The following PPP2R2B variants were observed in gnomAD, a reference collection of about 807,000 sequenced individuals.
The protein encoded by PPP2R2B is serine/threonine-protein phosphatase 2A 55 kDa regulatory subunit B beta isoform.
PPP2R2B carries 5 observed loss-of-function variants against 46.0 expected under a neutral mutation model. The observed-to-expected ratio is 0.11, with a 90% CI of 0.06 to 0.23. The LOEUF (loss-of-function observed/expected upper bound fraction) is 0.23, where lower values mean the gene tolerates loss of function less well. PPP2R2B is among the 10% of genes least tolerant of loss of function. The probability of loss-of-function intolerance (pLI) is 1.00; values close to 1 mark genes in which losing one functional copy is unlikely to be tolerated. For missense variants in PPP2R2B, 367 were observed against 575.0 expected (o/e 0.64, Z 3.70); for synonymous variants, 215 against 206.7 (o/e 1.04, Z -0.34).
At chr5:146,759,133 CTTATGAT>C (rs935270980) in intron 2 of PPP2R2B, among the ~76,000 whole-genome samples, 1 of 152,148 alleles carries the variant, frequency 6.6e-6, no homozygotes, top group Non-Finnish European at 1.5e-5. Context: ...GGAAATAAGG[CTTATGAT>C]TTAAATTCAT....
In PPP2R2B at chr5:147,020,686, C is replaced by G; in HGVS notation, c.79+34979G>C. ...ATTGACAGAGAAGGTATATTCAATA[C>G]TGCAAGGATCTCAGAGCTCAGATGA... On this transcript the variant is annotated intron_variant, in intron 1 of 8. Coordinates refer to the PPP2R2B transcript ENST00000336640. 1.3e-5 allele frequency among the ~76,000 whole-genome samples: 2 copies of G among 152,252 alleles called. 1 individual carries two copies. The highest frequency in any genetic ancestry group is 3.9e-4 in the East Asian group (2 of 5,164).
rs183274342 is a variant in PPP2R2B, at chr5:146,655,273, C to G, written c.448-4549G>C. Among the ~76,000 whole-genome samples the G allele has an allele frequency of 4.1e-3, 621 of 152,290 alleles. 5 individuals carry two copies. The highest frequency in any genetic ancestry group is 0.014 in the African/African-American group (599 of 41,572). On this transcript the variant is annotated intron_variant, in intron 5 of 9. Transcript: ENST00000394411. Reference sequence around the variant, plus strand: ...AATGTCCCAAGCCCCAAAAGAGCAGCCTGAATCTAATCTGCAATAAAGCTT... The same window carrying G: ...AATGTCCCAAGCCCCAAAAGAGCAGGCTGAATCTAATCTGCAATAAAGCTT...
intron 1 of PPP2R2B, among the ~76,000 whole-genome samples, chr5:147,029,165 A>G (rs1282723335): frequency 6.6e-6 from 1 of 152,128 alleles, no homozygotes; most frequent in Non-Finnish European, 1.5e-5. Context: ...AGTCTAATTT[A>G]TCAATATTTC....
intron 5 of PPP2R2B, among the ~76,000 whole-genome samples, chr5:146,681,597 A>C (rs1778178538): frequency 6.6e-6 from 1 of 152,208 alleles, no homozygotes; most frequent in South Asian, 2.1e-4. Flanking sequence ...TTGATTTTTC[A>C]CTTCCTTTGA....
At chr5:146,651,736 C>G (rs1323948527) in intron 5 of PPP2R2B, among the ~76,000 whole-genome samples, 1 of 152,168 alleles carries the variant, frequency 6.6e-6, no homozygotes, top group Non-Finnish European at 1.5e-5. Context: ...CAAATCATTT[C>G]TTGCAACTGA....
intron 6 of PPP2R2B, among the ~76,000 whole-genome samples, chr5:146,638,968 T>C (rs1775011660): frequency 1.3e-5 from 2 of 152,226 alleles, no homozygotes; most frequent in Admixed American, 1.3e-4. Flanking sequence ...TATAGGCCAT[T>C]CACTGTACAA....
intron 2 of PPP2R2B, among the ~76,000 whole-genome samples, chr5:146,825,205 T>C (rs973645660): frequency 2.0e-5 from 3 of 152,188 alleles, no homozygotes; most frequent in Non-Finnish European, 4.4e-5. Flanking sequence ...TCATGCTGTG[T>C]ATGGAACAAC....
At chr5:146,991,708 T>C (rs1212343176) in intron 1 of PPP2R2B, among the ~76,000 whole-genome samples, 1 of 152,078 alleles carries the variant, frequency 6.6e-6, no homozygotes, top group Non-Finnish European at 1.5e-5. Context: ...TGTACAATTA[T>C]TGTTTCAATT....
chr5:146,810,133 T>A (rs113689301), intron 2 of PPP2R2B, among the ~76,000 whole-genome samples: 17 of 152,292 alleles, frequency 1.1e-4, no homozygotes, highest in African/African-American at 3.8e-4. Context: ...GAAAGTCAGG[T>A]ATTGTTACTA....
At chr5:146,693,473 C>T (rs771693977) in intron 4 of PPP2R2B, among the ~76,000 whole-genome samples, 22 of 152,136 alleles carry the variant, frequency 1.4e-4, no homozygotes, top group Admixed American at 6.5e-4. Flanking sequence ...CCTTTGCCTC[C>T]CAAAGTGCTG....
chr5:146,601,296 G>A (rs1365903198), intron 7 of PPP2R2B, among the ~76,000 whole-genome samples: 3 of 152,020 alleles, frequency 2.0e-5, no homozygotes, highest in East Asian at 1.9e-4. Context: ...GTTGGCTCAC[G>A]GTGTTTAATA....
chr5:146,950,684 T>C (rs1764624959), intron 1 of PPP2R2B, among the ~76,000 whole-genome samples: 3 of 151,994 alleles, frequency 2.0e-5, no homozygotes. Flanking sequence ...AGACTCTAAG[T>C]GCTGGACCTA....
At chr5:146,622,351 T>G (rs1310417989) in intron 7 of PPP2R2B, among the ~76,000 whole-genome samples, 1 of 152,174 alleles carries the variant, frequency 6.6e-6, no homozygotes, top group Non-Finnish European at 1.5e-5. Flanking sequence ...GCATGTGCCA[T>G]TATTGTCCCC....
At chr5:147,057,497 G>T (rs918390636), upstream of PPP2R2B, among the ~76,000 whole-genome samples, 1 of 152,182 alleles carries the variant, frequency 6.6e-6, no homozygotes, top group Non-Finnish European at 1.5e-5. Flanking sequence ...CTGACAGTTT[G>T]TATCCCAGTG....
intron 2 of PPP2R2B, among the ~76,000 whole-genome samples, chr5:146,708,674 T>C (rs1193709470): frequency 6.6e-6 from 1 of 151,798 alleles, no homozygotes; most frequent in Non-Finnish European, 1.5e-5. Context: ...AGTGTCTCTA[T>C]TGATATGACT....
At chr5:146,685,906 T>A (rs548118037) in intron 5 of PPP2R2B, among the ~76,000 whole-genome samples, 1 of 152,234 alleles carries the variant, frequency 6.6e-6, no homozygotes, top group African/African-American at 2.4e-5. Context: ...CACCAAAATC[T>A]AGCTTGTATG....
upstream of PPP2R2B, among the ~76,000 whole-genome samples, chr5:147,060,265 T>C (rs1248862977): frequency 4.6e-5 from 7 of 152,312 alleles, no homozygotes; most frequent in East Asian, 9.7e-4. Context: ...AGCATATTTA[T>C]TGAATACTTA....
chr5:146,908,525 A>ATTTTTTTTTT (rs60166631), intron 1 of PPP2R2B, among the ~76,000 whole-genome samples: 1 of 143,114 alleles, frequency 7.0e-6, no homozygotes. Flanking sequence ...AAATTGTTAG[A>ATTTTTTTTTT]TTTTTTTTTT....
intron 1 of PPP2R2B, among the ~76,000 whole-genome samples, chr5:147,052,179 G>A (rs1336603564): frequency 6.6e-6 from 1 of 152,028 alleles, no homozygotes; most frequent in East Asian, 1.9e-4. Context: ...GTTCCTTAAA[G>A]TATGGTTACA....
Sources: gnomAD v4.1 joint callset for allele counts (sites outside exome capture counted in the v4.1 genomes callset) on GRCh38, gnomAD v4.1.1 for gene constraint, MANE v1.5 for transcripts, NCBI Gene and HGNC (gene_info 2026-07-23, HGNC 2026-07-21) for gene names.